Variants in DPP6 observed in about 807,000 individuals in gnomAD.
DPP6 encodes the protein dipeptidyl peptidase like 6, also known as A-type potassium channel modulatory protein DPP6.
In DPP6, 69 loss-of-function variants were observed where a neutral mutation model predicts 122.6. That is an observed-to-expected ratio of 0.56 (90% CI 0.46 to 0.69). The LOEUF (loss-of-function observed/expected upper bound fraction) is 0.69. Ranked by LOEUF, DPP6 falls within the 30% of genes least tolerant of loss-of-function variation. DPP6 has a pLI of 0.00. For missense variants in DPP6, 928 were observed against 1,116.9 expected (o/e 0.83, Z 2.41); for synonymous variants, 418 against 433.1 (o/e 0.97, Z 0.43).
At chr7:154,127,677 A>AC (rs879332178) in intron 1 of DPP6, among the ~76,000 whole-genome samples, 8,329 of 147,268 alleles carry the variant, frequency 0.057, 264 homozygotes, top group Middle Eastern at 0.14. Context: ...ACACACACAC[A>AC]AAACAGCTCT....
At chr7:154,563,808 G>A (rs1830575530) in intron 4 of DPP6, among the ~76,000 whole-genome samples, 1 of 152,102 alleles carries the variant, frequency 6.6e-6, no homozygotes, top group South Asian at 2.1e-4. Context: ...TGTCAGGGAG[G>A]CAGTTGGCCA....
At position 154,142,785 on chromosome 7, in the gene DPP6, A is replaced by G. The variant is rs1283219115; in HGVS notation, c.243+89722A>G. ...TTTTCTACTCACTTTTACCAAAAAA[A>G]AGGAACAAGATGGGAAAACAAAAAT... On this transcript the variant is annotated intron_variant, in intron 1 of 25. Transcript: ENST00000377770. Among the ~76,000 whole-genome samples the G allele has an allele frequency of 2.1e-3, 315 of 146,654 alleles. 3 individuals carry two copies. The highest frequency in any genetic ancestry group is 0.017 in the Middle Eastern group (5 of 288).
intron 1 of DPP6, among the ~76,000 whole-genome samples, chr7:154,249,665 C>T (rs1241846050): frequency 6.6e-6 from 1 of 152,120 alleles, no homozygotes; most frequent in African/African-American, 2.4e-5. Context: ...CTACTCACAG[C>T]CTTTTGTAGG....
intron 1 of DPP6, among the ~76,000 whole-genome samples, chr7:154,323,984 C>T (rs759871156): frequency 6.6e-5 from 10 of 152,172 alleles, no homozygotes; most frequent in East Asian, 1.9e-4. Flanking sequence ...TACACATATA[C>T]GCAGACCCAT....
chr7:154,335,569 C>T (rs932495270), intron 1 of DPP6, among the ~76,000 whole-genome samples: 14 of 152,022 alleles, frequency 9.2e-5, no homozygotes, highest in Non-Finnish European at 1.5e-4. Context: ...AAGCAATTAC[C>T]GTAGTAGATT....
At chr7:154,390,688 A>G (rs1254834419) in intron 1 of DPP6, among the ~76,000 whole-genome samples, 1 of 152,154 alleles carries the variant, frequency 6.6e-6, no homozygotes, top group Non-Finnish European at 1.5e-5. Context: ...AAGAAGCAGC[A>G]AGGAGGAACG....
chr7:153,879,062 G>A, the DPP6 span, among the ~76,000 whole-genome samples: 4 of 152,164 alleles, frequency 2.6e-5, no homozygotes, highest in Non-Finnish European at 4.4e-5. Context: ...CCAGAAACTT[G>A]GATACTTCCC....
intron 3 of DPP6, among the ~76,000 whole-genome samples, chr7:154,491,907 C>T (rs957021411): frequency 6.6e-6 from 1 of 152,136 alleles, no homozygotes; most frequent in Non-Finnish European, 1.5e-5. Flanking sequence ...GTTCCAGGAA[C>T]TTAATCTCTT....
At chr7:154,699,615 C>A (rs2131258543) in intron 7 of DPP6, among the ~76,000 whole-genome samples, 1 of 152,352 alleles carries the variant, frequency 6.6e-6, no homozygotes, top group Admixed American at 6.5e-5. Context: ...TTGCCGCCCC[C>A]AGACAGCCGG....
At chr7:153,981,106 A>G (rs1796561615) in intron 1 of DPP6, among the ~76,000 whole-genome samples, 1 of 152,130 alleles carries the variant, frequency 6.6e-6, no homozygotes, top group Admixed American at 6.5e-5. Flanking sequence ...ATCCTTGTTA[A>G]TTTTATGTCT....
chr7:154,353,944 G>T (rs1355783705), intron 1 of DPP6, among the ~76,000 whole-genome samples: 1 of 152,138 alleles, frequency 6.6e-6, no homozygotes, highest in Non-Finnish European at 1.5e-5. Context: ...TAATGTCCAA[G>T]GAGAATTCTC....
the DPP6 span, among the ~76,000 whole-genome samples, chr7:153,838,613 A>G: frequency 6.6e-6 from 1 of 150,486 alleles, no homozygotes; most frequent in Non-Finnish European, 1.5e-5. Context: ...TCCACTGATT[A>G]AAATAACAGA....
At chr7:154,052,082 C>G (rs1800375420), upstream of DPP6, among the ~76,000 whole-genome samples, 2 of 147,570 alleles carry the variant, frequency 1.4e-5, no homozygotes, top group South Asian at 4.5e-4. The surrounding 1 kb of genome is among the most constrained non-coding windows in gnomAD (Gnocchi z 4.8). Flanking sequence ...TCGACCTCCG[C>G]ATCCCCTTGC....
At chr7:154,087,023 TGGCTGCTGAGAATGA>T (rs1467255107) in intron 1 of DPP6, among the ~76,000 whole-genome samples, 1 of 152,162 alleles carries the variant, frequency 6.6e-6, no homozygotes, top group Non-Finnish European at 1.5e-5. Flanking sequence ...GAGTGGGATG[TGGCTGCTGAGAATGA>T]GGTGCAGGGT....
the DPP6 span, among the ~76,000 whole-genome samples, chr7:153,876,082 G>T: frequency 6.6e-6 from 1 of 151,928 alleles, no homozygotes; most frequent in Non-Finnish European, 1.5e-5. Flanking sequence ...GGATTAAAGG[G>T]TCTATCTGAC....
At chr7:154,333,356 G>A (rs951608227) in intron 1 of DPP6, among the ~76,000 whole-genome samples, 1 of 152,030 alleles carries the variant, frequency 6.6e-6, no homozygotes, top group Non-Finnish European at 1.5e-5. Flanking sequence ...TCCTGAAAAT[G>A]TTCCCAATTT....
In DPP6 at chr7:154,753,296, T is replaced by C. The variant is rs1259336071; in HGVS notation, c.884-16121T>C. Among the ~76,000 whole-genome samples, 4 of 152,090 alleles carry C rather than the reference T, an allele frequency of 2.6e-5. No homozygotes were observed. The East Asian group carries it at 5.8e-4, about 22-fold the overall frequency. ...ACGCTGGGGTACAAAGGGTGCCCGG[T>C]GACCCTTCCGAATCTATTATTTACT... On this transcript the variant is annotated intron_variant, in intron 8 of 25. Transcript: ENST00000377770.
intron 7 of DPP6, among the ~76,000 whole-genome samples, chr7:154,690,278 G>C (rs1839860562): frequency 6.6e-6 from 1 of 152,174 alleles, no homozygotes; most frequent in South Asian, 2.1e-4. Context: ...TTTTACAGAA[G>C]GAATTGTTAG....
intron 7 of DPP6, among the ~76,000 whole-genome samples, chr7:154,718,802 GC>G (rs562107717): frequency 8.5e-5 from 13 of 152,092 alleles, no homozygotes; most frequent in Admixed American, 7.9e-4. Context: ...ACCATGCCTG[GC>G]TAAATTTTGT....
Sources: gnomAD v4.1 joint callset for allele counts (sites outside exome capture counted in the v4.1 genomes callset) on GRCh38, gnomAD v4.1.1 for gene constraint, Gnocchi (gnomAD v3.1) non-coding constraint, MANE v1.5 for transcripts, NCBI Gene and HGNC (gene_info 2026-07-23, HGNC 2026-07-21) for gene names.